Variants in RBFOX1 observed in about 807,000 individuals in gnomAD.
RBFOX1 encodes the protein RNA binding protein fox-1 homolog 1.
In RBFOX1, 8 loss-of-function variants were observed where a neutral mutation model predicts 57.7. The observed-to-expected ratio is 0.14, with a 90% CI of 0.08 to 0.25. The LOEUF is 0.25. Ranked by LOEUF, RBFOX1 falls within the 10% of genes least tolerant of loss-of-function variation. The pLI is 1.00. For synonymous variants in RBFOX1, 326 were observed against 222.4 expected (o/e 1.47, Z -4.15); for missense variants, 611 against 548.5 (o/e 1.11, Z -1.14).
chr16:5,714,842 A>G (rs1034453302), intron 3 of RBFOX1, among the ~76,000 whole-genome samples: 5 of 152,224 alleles, frequency 3.3e-5, no homozygotes, highest in African/African-American at 9.6e-5. Flanking sequence ...ACGGGGACTT[A>G]GAGGAGCAGT....
At chr16:5,528,968 T>C (rs2044354179) in intron 2 of RBFOX1, among the ~76,000 whole-genome samples, 1 of 152,030 alleles carries the variant, frequency 6.6e-6, no homozygotes, top group Admixed American at 6.6e-5. Flanking sequence ...TCTAATTTTC[T>C]ATTACTCATA....
intron 4 of RBFOX1, among the ~76,000 whole-genome samples, chr16:7,402,115 A>G (rs1332734906): frequency 1.3e-5 from 2 of 152,222 alleles, no homozygotes; most frequent in Non-Finnish European, 2.9e-5. Flanking sequence ...TGGTTAAAAT[A>G]TAGAATGGAT....
At chr16:5,333,062 C>A (rs36143187) in intron 1 of RBFOX1, among the ~76,000 whole-genome samples, 5,341 of 152,124 alleles carry the variant, frequency 0.035, 302 homozygotes, top group African/African-American at 0.12. Flanking sequence ...GTGGTGGGCA[C>A]CTGTAGTCCC....
chr16:7,640,365 A>G (rs1036483199), intron 11 of RBFOX1, among the ~76,000 whole-genome samples: 25 of 152,198 alleles, frequency 1.6e-4, no homozygotes, highest in African/African-American at 5.8e-4. Flanking sequence ...ATTAATCTCA[A>G]TGCAGAATGG....
intron 1 of RBFOX1, among the ~76,000 whole-genome samples, chr16:6,278,320 G>A (rs892904657): frequency 1.6e-5 from 2 of 124,308 alleles, no homozygotes; most frequent in Non-Finnish European, 1.6e-5. Flanking sequence ...GCCCTGCAAG[G>A]TTCCTTCAAG....
chr16:5,375,469 C>G (rs951682665), intron 1 of RBFOX1, among the ~76,000 whole-genome samples: 1 of 151,820 alleles, frequency 6.6e-6, no homozygotes, highest in African/African-American at 2.4e-5. Flanking sequence ...GGGATAGTGA[C>G]GGTGATAAGT....
intron 4 of RBFOX1, among the ~76,000 whole-genome samples, chr16:7,399,665 G>T (rs1260988669): frequency 3.9e-5 from 6 of 151,978 alleles, no homozygotes; most frequent in Admixed American, 1.3e-4. Flanking sequence ...TATGTCTTCT[G>T]TTCTGTGTGT....
intron 3 of RBFOX1, among the ~76,000 whole-genome samples, chr16:5,837,450 C>T (rs2056496348): frequency 6.6e-6 from 1 of 151,912 alleles, no homozygotes; most frequent in Non-Finnish European, 1.5e-5. Context: ...TGAGAGATTG[C>T]ATAAGCTTCA....
intron 3 of RBFOX1, among the ~76,000 whole-genome samples, chr16:5,802,377 G>C (rs185602059): frequency 1.6e-4 from 25 of 152,238 alleles, no homozygotes; most frequent in Admixed American, 1.3e-3. Context: ...TCTTCCCAAA[G>C]GATGGCTGGA....
At chr16:5,675,013 G>A (rs1170033028) in intron 3 of RBFOX1, among the ~76,000 whole-genome samples, 2 of 152,054 alleles carry the variant, frequency 1.3e-5, no homozygotes, top group Non-Finnish European at 2.9e-5. Flanking sequence ...GCCAGCCATG[G>A]TGGTGTATGC....
intron 3 of RBFOX1, among the ~76,000 whole-genome samples, chr16:5,793,810 A>C (rs1163144642): frequency 6.6e-6 from 1 of 152,154 alleles, no homozygotes; most frequent in African/African-American, 2.4e-5. Flanking sequence ...TGTGCATTGC[A>C]TGCGTGCATG....
intron 3 of RBFOX1, among the ~76,000 whole-genome samples, chr16:5,728,778 T>C (rs1171723395): frequency 6.6e-6 from 1 of 152,136 alleles, no homozygotes; most frequent in East Asian, 1.9e-4. Flanking sequence ...CCTGATGAGC[T>C]ACTCGCCACT....
chr16:7,009,570 C>T (rs577293661), intron 3 of RBFOX1, among the ~76,000 whole-genome samples: 5 of 152,154 alleles, frequency 3.3e-5, no homozygotes, highest in South Asian at 2.1e-4. Context: ...AATGAAAGTG[C>T]AGCAGTAACG....
At chr16:5,662,434 C>T (rs1350779483) in intron 3 of RBFOX1, among the ~76,000 whole-genome samples, 2 of 152,078 alleles carry the variant, frequency 1.3e-5, no homozygotes, top group Admixed American at 6.5e-5. Flanking sequence ...CTTTCAGACA[C>T]GTTCTGGAAA....
At chr16:6,784,779 T>A (rs113425163) in intron 3 of RBFOX1, among the ~76,000 whole-genome samples, 1 of 152,008 alleles carries the variant, frequency 6.6e-6, no homozygotes, top group Non-Finnish European at 1.5e-5. Context: ...GGGAAGTAAA[T>A]CCCTGGAATT....
At chr16:6,960,590 C>T (rs2082755240) in intron 3 of RBFOX1, among the ~76,000 whole-genome samples, 1 of 152,116 alleles carries the variant, frequency 6.6e-6, no homozygotes, top group Admixed American at 6.6e-5. Flanking sequence ...TCCTTCCAAA[C>T]TCTGCAGAGG....
chr16:5,325,368 C>T (rs1008504783), intron 1 of RBFOX1, among the ~76,000 whole-genome samples: 1 of 152,310 alleles, frequency 6.6e-6, no homozygotes. Flanking sequence ...AGATCCTATT[C>T]CTGCACAGTT....
chr16:6,528,668 C>T (rs1453089863), intron 2 of RBFOX1, among the ~76,000 whole-genome samples: 1 of 152,180 alleles, frequency 6.6e-6, no homozygotes, highest in Admixed American at 6.5e-5. Flanking sequence ...ATCACTTGTG[C>T]TAGGCTTTGA....
At chr16:7,090,005 G>A (rs1351799965) in intron 4 of RBFOX1, among the ~76,000 whole-genome samples, 1 of 152,134 alleles carries the variant, frequency 6.6e-6, no homozygotes, top group African/African-American at 2.4e-5. Context: ...AACACTGTGA[G>A]GTTGGAGGGG....
Sources: allele counts gnomAD v4.1 joint callset (sites outside exome capture counted in the v4.1 genomes callset), GRCh38; gene constraint gnomAD v4.1.1; transcripts MANE v1.5; gene names NCBI Gene and HGNC (gene_info 2026-07-23, HGNC 2026-07-21).